CTDSP1: variants seen among roughly 807,000 people sequenced by gnomAD.
CTDSP1 encodes carboxy-terminal domain RNA polymerase II polypeptide A small phosphatase 1.
A neutral mutation model predicts 32.5 loss-of-function variants in CTDSP1; 15 were observed. The observed-to-expected ratio is 0.46, with a 90% confidence interval of 0.31 to 0.71. The LOEUF (loss-of-function observed/expected upper bound fraction) is 0.71. CTDSP1 is among the 30% of genes least tolerant of loss of function. CTDSP1 has a pLI of 0.05. For missense variants in CTDSP1, 294 were observed against 351.1 expected (o/e 0.84, Z 1.30); for synonymous variants, 185 against 145.4 (o/e 1.27, Z -1.96).
chr2:218,396,364 T>G (rs1035522881), upstream of CTDSP1: 1 of 152,462 alleles, frequency 6.6e-6, no homozygotes, highest in African/African-American at 2.4e-5. Context: ...GTCGGGTCCC[T>G]CAGACCCCAG....
chr2:218,402,780 T>G, intron 4 of CTDSP1: 1 of 717,884 alleles, frequency 1.4e-6, no homozygotes, highest in African/African-American at 1.7e-5. Flanking sequence ...AGGCTGAGGT[T>G]GAGGCAGGGG....
chr2:218,399,498 A>G (rs1001577234), upstream of CTDSP1: 12 of 152,462 alleles, frequency 7.9e-5, no homozygotes, highest in Admixed American at 2.0e-4. Context: ...CAAGTCCTCA[A>G]CGAGGAAACC....
rs1209157303 is a variant in CTDSP1 at position 218,405,464 on chromosome 2, G to T, written c.*1039G>T. On this transcript the variant is annotated 3_prime_UTR_variant, in exon 7 of 7. Transcript: ENST00000273062. ...CTAGGCCCACCAGCTAAGTGTGTGT[G>T]GGGGGTCTCTACGCCAGCTCATCAG... The T allele has an allele frequency of 6.5e-6, 1 of 152,682 alleles. No homozygotes were observed. Among genetic ancestry groups the T allele is most frequent in the African/African-American group, 2.4e-5 (1 of 41,440 alleles). The allele number at this position is 152,682 out of a possible 1,614,324, so 9.5% of individuals were successfully genotyped here. A position where few individuals can be genotyped will look rare whatever the true frequency, so the allele number is the denominator to read the frequency against.
chr2:218,404,511 A>C lies in CTDSP1; in HGVS notation c.*86A>C, dbSNP rs1011711484. 21 of 1,530,078 alleles carry C rather than the reference A, an allele frequency of 1.4e-5. No individual in the cohort carries two copies. Among genetic ancestry groups the C allele is most frequent in the Admixed American group, 5.4e-5 (3 of 55,538 alleles). 94.8% of individuals were successfully genotyped at this position (1,530,078 alleles called of 1,614,324 possible). A position where few individuals can be genotyped will look rare whatever the true frequency, so the allele number is the denominator to read the frequency against. The stretch of plus-strand genomic sequence containing the variant: ...GACTGCCCAGGCCTTTGTTAGGAAA[A>C]CCCATGGGCCGCCGCCACACTCAGT... On this transcript the variant is annotated 3_prime_UTR_variant, in exon 7 of 7. Coordinates refer to ENST00000273062, the MANE Select transcript of CTDSP1 (RefSeq NM_021198.3).
intron 6 of CTDSP1, chr2:218,403,707 A>G: frequency 2.9e-6 from 1 of 349,496 alleles, no homozygotes; most frequent in South Asian, 7.9e-5. Flanking sequence ...TGACCTACTG[A>G]TGGCCCACAG....
intron 6 of CTDSP1, among the ~76,000 whole-genome samples, chr2:218,404,038 C>T (rs1205567168): frequency 6.7e-6 from 1 of 150,280 alleles, no homozygotes; most frequent in Non-Finnish European, 1.5e-5. Context: ...CTAGCCTGGG[C>T]AACAGAGCAA....
upstream of CTDSP1, among the ~76,000 whole-genome samples, chr2:218,397,203 G>A (rs1188709208): frequency 6.6e-6 from 1 of 152,152 alleles, no homozygotes; most frequent in African/African-American, 2.4e-5. Flanking sequence ...CGGCTAAAGG[G>A]CTACCCAGGA....
chr2:218,397,964 A>G (rs1022296174), upstream of CTDSP1, among the ~76,000 whole-genome samples: 1 of 152,084 alleles, frequency 6.6e-6, no homozygotes, highest in South Asian at 2.1e-4. Flanking sequence ...GAGGTGGGGG[A>G]TTCCTGAGGA....
In CTDSP1 at chr2:218,405,453, T is replaced by A. The variant is rs1315262607; in HGVS notation, c.*1028T>A. The A allele has an allele frequency of 6.6e-6, 1 of 152,650 alleles. No homozygotes were observed. Among genetic ancestry groups the A allele is most frequent in the African/African-American group, 2.4e-5 (1 of 41,470 alleles). 9.5% of individuals were successfully genotyped at this position (152,650 alleles called of 1,614,324 possible). A position where few individuals can be genotyped will look rare whatever the true frequency, so the allele number is the denominator to read the frequency against. On this transcript the variant is annotated 3_prime_UTR_variant, in exon 7 of 7. Coordinates refer to ENST00000273062, the MANE Select transcript of CTDSP1 (RefSeq NM_021198.3). ...CCCAGCATATGCTAGGCCCACCAGC[T>A]AAGTGTGTGTGGGGGGTCTCTACGC...
upstream of CTDSP1, chr2:218,399,741 C>T (rs546162686): frequency 5.2e-3 from 5,316 of 1,015,094 alleles, 24 homozygotes; most frequent in Admixed American, 0.012. Flanking sequence ...CCCGGCCCGG[C>T]CCGCCTCCCA....
intron 1 of CTDSP1, 165 bp downstream of exon 1, chr2:218,400,322 G>A (rs751455805): frequency 4.4e-5 from 33 of 745,954 alleles, no homozygotes; most frequent in Non-Finnish European, 2.1e-5. Context: ...GAACTCAGAG[G>A]AGGCTCAGAG....
At chr2:218,396,536 A>G (rs1227077718), upstream of CTDSP1, 1 of 152,478 alleles carries the variant, frequency 6.6e-6, no homozygotes, top group East Asian at 1.9e-4. Context: ...TGTTTATGAG[A>G]AGAATTTCCT....
At chr2:218,398,640 C>T, upstream of CTDSP1, 1 of 420,140 alleles carries the variant, frequency 2.4e-6, no homozygotes, top group Non-Finnish European at 4.1e-6. Flanking sequence ...CGGACGTGCG[C>T]CGCGTCGCAC....
In CTDSP1 at chr2:218,403,100, T is replaced by G; in HGVS notation, c.444T>G (p.Cys148Trp). ...FLQRMGELFECVLFTASLAKY... is the reference protein window; with the variant it reads ...FLQRMGELFEWVLFTASLAKY... ...AGCGAATGGGCGAGCTCTTTGAATG[T>G]GTGCTGTTCACTGCTAGCCTCGCCA... Residue 148 changes from cysteine to tryptophan, a missense_variant, in exon 5 of 7, where the codon TGT becomes TGG. Coordinates refer to ENST00000273062, the MANE Select transcript of CTDSP1 (RefSeq NM_021198.3). The G allele has an allele frequency of 1.2e-6, 2 of 1,614,152 alleles. No homozygotes were observed. Among genetic ancestry groups the G allele is most frequent in the Non-Finnish European group, 1.7e-6 (2 of 1,180,032 alleles).
At chr2:218,399,630 A>T (rs1696994724), upstream of CTDSP1, 1 of 735,152 alleles carries the variant, frequency 1.4e-6, no homozygotes, top group Non-Finnish European at 1.7e-6. Context: ...GGCGGCCTGG[A>T]ACGGTGAGCC....
In CTDSP1 at chr2:218,404,453, C is replaced by T. The variant is rs1422067899; in HGVS notation, c.*28C>T. On this transcript the variant is annotated 3_prime_UTR_variant, in exon 7 of 7. Transcript: ENST00000273062. ...AGGGTGATGGGGCCAGGACCTGCCCCTGACCAATGATACCCACACCTCCTC... is the reference window on the plus strand; with the variant it reads ...AGGGTGATGGGGCCAGGACCTGCCCTTGACCAATGATACCCACACCTCCTC... 9 of 1,612,742 alleles carry T rather than the reference C, an allele frequency of 5.6e-6. No homozygotes were observed. The highest frequency in any genetic ancestry group is 7.6e-6 in the Non-Finnish European group (9 of 1,179,412).
chr2:218,400,756 G>A (rs898356121), intron 1 of CTDSP1: 3 of 455,108 alleles, frequency 6.6e-6, no homozygotes, highest in Non-Finnish European at 1.3e-5. Flanking sequence ...GGGGAGAGTC[G>A]TGCGCCTAGT....
chr2:218,400,784 C>G (rs1281149144), intron 1 of CTDSP1: 2 of 454,096 alleles, frequency 4.4e-6, no homozygotes, highest in African/African-American at 4.0e-5. Flanking sequence ...CACCACCCCG[C>G]AAAGCCTCGC....
rs1559137964 is a variant in CTDSP1 at position 218,403,240 on chromosome 2, C to T, written c.480C>T (p.Asp160=). 2.5e-6 allele frequency: 4 copies of T among 1,612,534 alleles called. No homozygotes were observed. In the South Asian group the frequency reaches 3.3e-5, roughly 13 times the overall value. The change falls in exon 6 of 7, where the codon GAC becomes GAT. Residue 160 remains aspartate (D), a synonymous_variant. Transcript: ENST00000273062. ...CCACCTCCTGCTCCCAGTACGCAGA[C>T]CCAGTAGCTGACCTGCTGGACAAAT... ...LFTASLAKYA[D]PVADLLDKWG...
Sources: allele counts gnomAD v4.1 joint callset (sites outside exome capture counted in the v4.1 genomes callset), GRCh38; gene constraint gnomAD v4.1.1; transcripts MANE v1.5; gene names NCBI Gene and HGNC (gene_info 2026-07-23, HGNC 2026-07-21).